The following QSOX1 variants were observed in gnomAD, a reference collection of about 807,000 sequenced individuals.
The protein encoded by QSOX1 is quiescin sulfhydryl oxidase 1.
In QSOX1, 40 loss-of-function variants were observed where a neutral mutation model predicts 76.1. The observed-to-expected ratio is 0.53, with a 90% CI of 0.41 to 0.68. QSOX1 has a LOEUF of 0.68. QSOX1 is among the 30% of genes least tolerant of loss of function. QSOX1 has a pLI of 0.00. For synonymous variants in QSOX1, 392 were observed against 413.1 expected (o/e 0.95, Z 0.62); for missense variants, 931 against 974.3 (o/e 0.96, Z 0.59).
Position 180,155,153 on chromosome 1 carries a change from G to A in QSOX1, c.246G>A (p.Ala82=), listed in dbSNP as rs77647137. 14 of 1,517,730 alleles carry A rather than the reference G, an allele frequency of 9.2e-6. No homozygotes were observed. The Admixed American group carries it at 2.0e-4, about 22-fold the overall frequency. The allele number at this position is 1,517,730 out of a possible 1,614,324, so 94.0% of individuals were successfully genotyped here. ...HCIAFAPTWK[A]LAEDVKAWRP... is the part of the protein sequence containing the mutation. ...TCGCCTTCGCCCCGACGTGGAAGGCGCTGGCCGAAGACGTCAAAGGTGAGA... is the reference window on the plus strand; with the variant it reads ...TCGCCTTCGCCCCGACGTGGAAGGCACTGGCCGAAGACGTCAAAGGTGAGA... Residue 82 remains alanine (A), a synonymous_variant, in exon 1 of 12, where the codon GCG becomes GCA. Transcript: ENST00000367602.
intron 2 of QSOX1, among the ~76,000 whole-genome samples, chr1:180,173,996 C>T (rs368022870): frequency 2.6e-5 from 4 of 152,360 alleles, no homozygotes; most frequent in African/African-American, 7.2e-5. Flanking sequence ...TGCCAGAGCC[C>T]GGGGCCTGTT....
rs1663481505 is a variant in QSOX1, at chr1:180,196,210, T to C, written c.1469-52T>C. On this transcript the variant is annotated intron_variant, in intron 11 of 11. Coordinates refer to ENST00000367602, the MANE Select transcript of QSOX1 (RefSeq NM_002826.5). The surrounding 1 kb of genome is among the most constrained non-coding windows in gnomAD (Gnocchi z 4.1). ...TCTGAGTGGAGGAGTGTGGTCTGGG[T>C]TTTTGGGTGGGACTGATGTCACCAC... 1.3e-6 allele frequency: 2 copies of C among 1,550,854 alleles called. No individual in the cohort carries two copies. The highest frequency in any genetic ancestry group is 8.7e-7 in the Non-Finnish European group (1 of 1,143,708).
intron 1 of QSOX1, among the ~76,000 whole-genome samples, chr1:180,155,468 C>T (rs1027372040): frequency 6.6e-6 from 1 of 152,246 alleles, no homozygotes; most frequent in Non-Finnish European, 1.5e-5. Context: ...CTGCCTCCTT[C>T]CCTGCGAGAG....
intron 4 of QSOX1, among the ~76,000 whole-genome samples, chr1:180,177,225 C>T (rs764503443): frequency 4.0e-4 from 60 of 151,220 alleles, no homozygotes; most frequent in Non-Finnish European, 7.4e-4. Flanking sequence ...CTCAAGCAAT[C>T]CTGCCAAGGT....
chr1:180,166,567 C>T lies in QSOX1; in HGVS notation c.342C>T (p.Asn114=), dbSNP rs777314092. ...ETNSAVCRDF[N]IPGFPTVRFF... ...ACAGTGCAGTCTGCAGAGACTTCAA[C>T]ATCCCTGGCTTCCCGACTGTGAGGG... Residue 114 remains asparagine, a synonymous_variant, in exon 2 of 12, where the codon AAC becomes AAT. Transcript: ENST00000367602. 29 of 1,614,030 alleles carry T rather than the reference C, an allele frequency of 1.8e-5. No homozygotes were observed. Among genetic ancestry groups the T allele is most frequent in the Non-Finnish European group, 2.1e-5 (25 of 1,180,010 alleles).
chr1:180,183,882 A>T lies in QSOX1; in HGVS notation c.753-34A>T, dbSNP rs776999987. 65 of 1,595,952 alleles carry T rather than the reference A, an allele frequency of 4.1e-5. No individual in the cohort carries two copies. In the Admixed American group the frequency reaches 8.6e-4, roughly 21 times the overall value. On this transcript the variant is annotated intron_variant, in intron 6 of 11. Transcript: ENST00000367602. ...AGCTCTAATCTTGTTCTCTGCACTT[A>T]CTGCCTCTCCTCCCTGGTTCTGTGC...
At chr1:180,194,186 G>T in intron 10 of QSOX1, 27 bp from the exon 11 acceptor site, 1 of 1,588,396 alleles carries the variant, frequency 6.3e-7, no homozygotes, top group Non-Finnish European at 8.6e-7. Flanking sequence ...TGAAGGGCTG[G>T]TGCGTGGCAT....
chr1:180,166,169 G>A (rs1478710544), intron 1 of QSOX1, among the ~76,000 whole-genome samples: 1 of 152,170 alleles, frequency 6.6e-6, no homozygotes, highest in Non-Finnish European at 1.5e-5. Context: ...GGGGGATGGC[G>A]AGGAGCAGGG....
chr1:180,185,905 T>G, intron 7 of QSOX1, 148 bp from the exon 8 acceptor site: 1 of 960,646 alleles, frequency 1.0e-6, no homozygotes, highest in Non-Finnish European at 1.6e-6. Context: ...CACAGCACAT[T>G]TCTGGCAGAA....
intron 5 of QSOX1, among the ~76,000 whole-genome samples, chr1:180,180,755 TCTGA>T (rs1663010545): frequency 6.6e-6 from 1 of 152,208 alleles, no homozygotes; most frequent in South Asian, 2.1e-4. Context: ...GACCTTGTGA[TCTGA>T]CCACCTTGGC....
intron 2 of QSOX1, among the ~76,000 whole-genome samples, chr1:180,169,545 C>T (rs990401489): frequency 1.3e-5 from 2 of 152,218 alleles, no homozygotes; most frequent in Non-Finnish European, 2.9e-5. Flanking sequence ...CTAAGAGGAC[C>T]GTTGCCAAGT....
chr1:180,168,404 C>G (rs1662682363), intron 2 of QSOX1, among the ~76,000 whole-genome samples: 1 of 152,244 alleles, frequency 6.6e-6, no homozygotes, highest in Non-Finnish European at 1.5e-5. Context: ...CCTTTCCTGC[C>G]TCTCCTGAGG....
rs1558192183 is a variant in QSOX1 at position 180,189,794 on chromosome 1, T to A, written c.1140+120T>A. The A allele has an allele frequency of 2.6e-6, 3 of 1,154,648 alleles. No homozygotes were observed. In the East Asian group the frequency reaches 7.6e-5, roughly 29 times the overall value. 71.5% of individuals were successfully genotyped at this position (1,154,648 alleles called of 1,614,324 possible). The stretch of plus-strand genomic sequence containing the variant: ...TGCACCAGGGAGTCAGTGATCTTCG[T>A]TGGGTCCTAACAATAATCAATAAAT... On this transcript the variant is annotated intron_variant, in intron 9 of 11. Coordinates refer to ENST00000367602, the MANE Select transcript of QSOX1 (RefSeq NM_002826.5).
Position 180,155,126 on chromosome 1 carries a change from C to T in QSOX1, c.219C>T (p.Cys73=). ...TCTTCGCCTCCTGGTGCGGCCACTGCATCGCCTTCGCCCCGACGTGGAAGG... is the reference window on the plus strand; with the variant it reads ...TCTTCGCCTCCTGGTGCGGCCACTGTATCGCCTTCGCCCCGACGTGGAAGG... The part of the protein sequence containing the change: ...VEFFASWCGH[C]IAFAPTWKAL... Residue 73 remains cysteine, a synonymous_variant, in exon 1 of 12, where the codon TGC becomes TGT. Transcript: ENST00000367602. 6.6e-7 allele frequency: 1 copy of T among 1,522,612 alleles called. No individual in the cohort carries two copies. The highest frequency in any genetic ancestry group is 8.8e-7 in the Non-Finnish European group (1 of 1,139,646). 94.3% of individuals were successfully genotyped at this position (1,522,612 alleles called of 1,614,324 possible).
intron 2 of QSOX1, among the ~76,000 whole-genome samples, chr1:180,168,974 T>TG (rs1662701682): frequency 6.6e-6 from 1 of 152,228 alleles, no homozygotes; most frequent in Non-Finnish European, 1.5e-5. Flanking sequence ...TTTGGTATGA[T>TG]GGGGACAGGC....
chr1:180,196,995 G>T lies in QSOX1; in HGVS notation c.2202G>T (p.Lys734Asn). 1 of 1,612,618 alleles carries T rather than the reference G, an allele frequency of 6.2e-7. No individual in the cohort carries two copies. The highest frequency in any genetic ancestry group is 8.5e-7 in the Non-Finnish European group (1 of 1,179,114). The change falls in exon 12 of 12, where the codon AAG (lysine) becomes AAT (asparagine). Residue 734 changes from lysine (K) to asparagine (N), a missense_variant. By Grantham distance (94) the Lys-to-Asn change is moderately conservative (BLOSUM62 0). Transcript: ENST00000367602. The surrounding 1 kb of genome is among the most constrained non-coding windows in gnomAD (Gnocchi z 4.1). ...LLAMYTYFQA[K>N]IRALKGHAGH... The stretch of plus-strand genomic sequence containing the variant: ...CCATGTACACCTACTTCCAGGCCAA[G>T]ATAAGGGCCCTGAAGGGCCATGCTG...
chr1:180,155,615 GC>G (rs1387406027), intron 1 of QSOX1, among the ~76,000 whole-genome samples: 4 of 152,214 alleles, frequency 2.6e-5, no homozygotes, highest in Non-Finnish European at 5.9e-5. Flanking sequence ...GTGGGTCAGT[GC>G]TGGGGAGAAA....
At chr1:180,187,242 A>G (rs548625815) in intron 8 of QSOX1, among the ~76,000 whole-genome samples, 1 of 152,348 alleles carries the variant, frequency 6.6e-6, no homozygotes, top group East Asian at 1.9e-4. Context: ...AGCCTAAGGC[A>G]GGACAGTCGT....
intron 7 of QSOX1, among the ~76,000 whole-genome samples, 198 bp downstream of exon 7, chr1:180,184,248 G>A (rs377670925): frequency 3.0e-4 from 46 of 152,290 alleles, no homozygotes; most frequent in African/African-American, 1.1e-3. Context: ...ATTTAGCTGC[G>A]GTGCCTCTGG....
Sources: gnomAD v4.1 joint callset for allele counts (sites outside exome capture counted in the v4.1 genomes callset) on GRCh38, gnomAD v4.1.1 for gene constraint, Gnocchi (gnomAD v3.1) non-coding constraint, MANE v1.5 for transcripts, NCBI Gene and HGNC (gene_info 2026-07-23, HGNC 2026-07-21) for gene names.